FER1L6: variants seen among roughly 807,000 people sequenced by gnomAD.
The protein encoded by FER1L6 is fer-1 like family member 6, also known as fer-1-like protein 6.
A neutral mutation model predicts 219.2 loss-of-function variants in FER1L6; 177 were observed. The observed-to-expected ratio is 0.81, with a 90% CI of 0.71 to 0.91. FER1L6 has a LOEUF of 0.91. Ranked by LOEUF, FER1L6 falls within the 40% of genes least tolerant of loss-of-function variation. FER1L6 has a pLI of 0.00. For missense variants in FER1L6, 2,153 were observed against 2,259.9 expected (o/e 0.95, Z 0.96); for synonymous variants, 768 against 824.3 (o/e 0.93, Z 1.17).
chr8:124,004,583 G>A (rs1817574011), intron 13 of FER1L6, among the ~76,000 whole-genome samples: 1 of 151,880 alleles, frequency 6.6e-6, no homozygotes, highest in Non-Finnish European at 1.5e-5. Flanking sequence ...AAGCACTTCT[G>A]CTTGGATGTC....
At chr8:124,016,681 G>A (rs1327236439) in intron 15 of FER1L6, among the ~76,000 whole-genome samples, 4 of 152,050 alleles carry the variant, frequency 2.6e-5, no homozygotes, top group African/African-American at 7.3e-5. Flanking sequence ...AATATCACAG[G>A]CATCTTTCTA....
In FER1L6 at chr8:124,097,349, C is replaced by T. The variant is rs757293820; in HGVS notation, c.4774C>T (p.Arg1592Ter). ...ACCTCCTGTTGACATCTCTCCAAGG[C>T]GACCCAAAGGGTATGTCAGCTGTAG... ...PGPPVDISPR[R>*]PKGYELRVTI... Residue 1592 changes from arginine (R) to a stop codon, truncating the protein, a stop_gained, in exon 36 of 41, where the codon CGA (arginine) becomes TGA (stop). Coordinates refer to ENST00000522917, the MANE Select transcript of FER1L6 (RefSeq NM_001039112.2). LOFTEE classifies it high-confidence loss of function. 1.1e-5 allele frequency: 18 copies of T among 1,611,744 alleles called. No individual in the cohort carries two copies. The highest frequency in any genetic ancestry group is 2.7e-5 in the African/African-American group (2 of 74,922).
chr8:123,881,104 T>C (rs1817101360), intron 1 of FER1L6, among the ~76,000 whole-genome samples: 1 of 152,236 alleles, frequency 6.6e-6, no homozygotes, highest in African/African-American at 2.4e-5. Flanking sequence ...CTTTTGCTTA[T>C]TTACTTAGAT....
intron 2 of FER1L6, among the ~76,000 whole-genome samples, chr8:123,960,671 ATCTG>A (rs1815230509): frequency 1.3e-5 from 2 of 151,904 alleles, no homozygotes; most frequent in South Asian, 4.1e-4. Flanking sequence ...TTGTGGCAGC[ATCTG>A]TCTAATCTCT....
At chr8:123,877,523 G>C (rs1006118749) in intron 1 of FER1L6, among the ~76,000 whole-genome samples, 1 of 152,104 alleles carries the variant, frequency 6.6e-6, no homozygotes, top group Non-Finnish European at 1.5e-5. Flanking sequence ...TGGGGGACAT[G>C]GCCAAACACC....
intron 1 of FER1L6, among the ~76,000 whole-genome samples, chr8:123,856,443 T>G (rs1294541162): frequency 6.7e-6 from 1 of 149,958 alleles, no homozygotes; most frequent in African/African-American, 2.5e-5. Context: ...AGGAAGAACT[T>G]GGGTCCAGTT....
intron 1 of FER1L6, among the ~76,000 whole-genome samples, chr8:123,892,178 A>C (rs1812658496): frequency 6.6e-6 from 1 of 152,224 alleles, no homozygotes. Context: ...ATAATACACC[A>C]TACAAAGGTA....
intron 1 of FER1L6, among the ~76,000 whole-genome samples, chr8:123,870,615 A>G (rs11993885): frequency 0.028 from 4,208 of 152,290 alleles, 196 homozygotes; most frequent in African/African-American, 0.096. Context: ...ATAATTATAG[A>G]GATGATAAAT....
intron 10 of FER1L6, among the ~76,000 whole-genome samples, chr8:123,980,162 G>A (rs1443416518): frequency 6.6e-6 from 1 of 152,090 alleles, no homozygotes; most frequent in African/African-American, 2.4e-5. Flanking sequence ...ATTGTACCTG[G>A]CACTAAACAT....
intron 1 of FER1L6, among the ~76,000 whole-genome samples, chr8:123,927,727 A>G (rs1032344109): frequency 6.6e-6 from 1 of 152,220 alleles, no homozygotes; most frequent in Non-Finnish European, 1.5e-5. Flanking sequence ...TGTAAGACAG[A>G]ATGCCAAACC....
chr8:124,072,182 C>T (rs571642220), intron 31 of FER1L6, among the ~76,000 whole-genome samples: 136 of 152,238 alleles, frequency 8.9e-4, no homozygotes, highest in Non-Finnish European at 1.7e-3. Context: ...ACAGGAAAGA[C>T]GGGGGGAAGG....
intron 6 of FER1L6, among the ~76,000 whole-genome samples, chr8:123,972,367 C>G (rs1035635552): frequency 1.3e-5 from 2 of 152,230 alleles, no homozygotes; most frequent in African/African-American, 4.8e-5. Flanking sequence ...TATTGAATAT[C>G]TATTGTGAAC....
In FER1L6 at chr8:123,856,316, G is replaced by GTGTGTGTGTGTGTATATATATA. The variant is rs71576706; in HGVS notation, c.-8+4132_-8+4133insGTGTGTGTGTGTATATATATAT. On this transcript the variant is annotated intron_variant, in intron 1 of 40. Coordinates refer to ENST00000522917, the MANE Select transcript of FER1L6 (RefSeq NM_001039112.2). The stretch of plus-strand genomic sequence containing the variant: ...TGTATATATATATATATATGTATGT[G>GTGTGTGTGTGTGTATATATATA]TATATATATATATATATATATATAT... Among the ~76,000 whole-genome samples, 12 of 45,110 alleles carry GTGTGTGTGTGTGTATATATATA rather than the reference G, an allele frequency of 2.7e-4. 2 individuals carry two copies. Among genetic ancestry groups the GTGTGTGTGTGTGTATATATATA allele is most frequent in the Non-Finnish European group, 4.1e-4 (9 of 21,688 alleles). 29.6% of individuals were successfully genotyped at this position (45,110 alleles called of 152,430 possible). A position where few individuals can be genotyped will look rare whatever the true frequency, so the allele number is the denominator to read the frequency against.
intron 1 of FER1L6, among the ~76,000 whole-genome samples, chr8:123,908,032 T>G (rs956635424): frequency 3.3e-5 from 5 of 152,134 alleles, no homozygotes; most frequent in African/African-American, 1.2e-4. Flanking sequence ...CAAATGTATT[T>G]CTTTTTGCCG....
At chr8:123,919,770 A>G (rs1205801886) in intron 1 of FER1L6, among the ~76,000 whole-genome samples, 1 of 152,188 alleles carries the variant, frequency 6.6e-6, no homozygotes, top group East Asian at 1.9e-4. Flanking sequence ...AGGGATGCTC[A>G]TGGGGCAAGC....
Position 123,913,978 on chromosome 8 carries a change from T to C in FER1L6, c.-7-42014T>C, listed in dbSNP as rs145346297. Reference sequence around the variant, plus strand: ...CTGTATTAGAAATGGGTCTTGCAATTGCAAAGGTCTGAATGATTTATTGGG... The same window carrying C: ...CTGTATTAGAAATGGGTCTTGCAATCGCAAAGGTCTGAATGATTTATTGGG... On this transcript the variant is annotated intron_variant, in intron 1 of 40. Coordinates refer to ENST00000522917, the MANE Select transcript of FER1L6 (RefSeq NM_001039112.2). 5.9e-5 allele frequency among the ~76,000 whole-genome samples: 9 copies of C among 152,322 alleles called. No individual in the cohort carries two copies. In the East Asian group the frequency reaches 1.5e-3, roughly 26 times the overall value.
intron 32 of FER1L6, among the ~76,000 whole-genome samples, chr8:124,078,558 C>T (rs1163241998): frequency 6.6e-6 from 1 of 152,210 alleles, no homozygotes; most frequent in African/African-American, 2.4e-5. Context: ...CACCATGTGT[C>T]AGGCACACTG....
rs755821423 is a variant in FER1L6, at chr8:124,039,934, C to T, written c.2517C>T (p.Ile839=). ...RAHMYQARGL[I]AADSNGLSDP... is the part of the protein sequence containing the mutation. ...ACATGTACCAAGCCCGGGGCCTCAT[C>T]GCAGCTGACAGCAATGGACTTTCAG... The change falls in exon 20 of 41, where the codon ATC becomes ATT. Residue 839 remains isoleucine (I), a synonymous_variant. Coordinates refer to ENST00000522917, the MANE Select transcript of FER1L6 (RefSeq NM_001039112.2). The T allele has an allele frequency of 4.8e-5, 78 of 1,614,032 alleles. No individual in the cohort carries two copies. The highest frequency in any genetic ancestry group is 4.7e-5 in the Non-Finnish European group (56 of 1,180,020).
At chr8:124,109,908 A>G (rs991623791) in intron 39 of FER1L6, among the ~76,000 whole-genome samples, 1 of 152,234 alleles carries the variant, frequency 6.6e-6, no homozygotes, top group Non-Finnish European at 1.5e-5. Context: ...CAGTTCTGAA[A>G]GACTGAACAT....
Sources: allele counts gnomAD v4.1 joint callset (sites outside exome capture counted in the v4.1 genomes callset), GRCh38; gene constraint gnomAD v4.1.1; transcripts MANE v1.5; gene names NCBI Gene and HGNC (gene_info 2026-07-23, HGNC 2026-07-21).